ARHGEF33: variants seen among roughly 807,000 people sequenced by gnomAD.
ARHGEF33 encodes Rho guanine nucleotide exchange factor 33.
ARHGEF33 carries 72 observed loss-of-function variants against 101.9 expected under a neutral mutation model. That is an observed-to-expected ratio of 0.71 (90% confidence interval 0.58 to 0.86). The LOEUF is 0.86. ARHGEF33 is among the 40% of genes least tolerant of loss of function. The probability of loss-of-function intolerance (pLI) is 0.00; values close to 1 mark genes in which losing one functional copy is unlikely to be tolerated. For synonymous variants in ARHGEF33, 499 were observed against 442.5 expected, an observed-to-expected ratio of 1.13 and a Z score of -1.60; for missense variants, 1,169 against 1,111.3, an observed-to-expected ratio of 1.05 and a Z score of -0.74.
chr2:38,937,675 A>T (rs575979276), intron 9 of ARHGEF33, 116 bp downstream of exon 9: 2 of 662,484 alleles, frequency 3.0e-6, no homozygotes, highest in South Asian at 3.9e-5. Context: ...GAGGCCACCT[A>T]GTTCCTGGTT....
intron 2 of ARHGEF33, among the ~76,000 whole-genome samples, chr2:38,909,073 C>T (rs1022242729): frequency 4.6e-5 from 7 of 152,214 alleles, no homozygotes; most frequent in South Asian, 4.2e-4. Context: ...AATGAAACTC[C>T]GTGTATACCC....
At chr2:38,935,909 ACTTC>A in intron 8 of ARHGEF33, 75 bp downstream of exon 8, 1 of 1,222,182 alleles carries the variant, frequency 8.2e-7, no homozygotes, top group Non-Finnish European at 1.2e-6. Context: ...CCCTGCTTCC[ACTTC>A]CTTAGTTTCA....
intron 2 of ARHGEF33, among the ~76,000 whole-genome samples, chr2:38,896,373 A>G (rs956480910): frequency 2.0e-5 from 3 of 152,314 alleles, no homozygotes; most frequent in East Asian, 3.9e-4. Context: ...CCTGACTTCA[A>G]GTGATCTACC....
At chr2:38,933,532 C>G (rs945110823) in intron 7 of ARHGEF33, among the ~76,000 whole-genome samples, 1 of 152,040 alleles carries the variant, frequency 6.6e-6, no homozygotes, top group Non-Finnish European at 1.5e-5. Flanking sequence ...TACAGGCACC[C>G]GCCACCATGC....
chr2:38,895,218 C>T (rs1666094213), intron 1 of ARHGEF33, among the ~76,000 whole-genome samples: 4 of 152,136 alleles, frequency 2.6e-5, no homozygotes, highest in Admixed American at 2.6e-4. Flanking sequence ...AGTGAATTGG[C>T]CAAACTGCCC....
At chr2:38,908,146 T>C (rs1457527684) in intron 2 of ARHGEF33, among the ~76,000 whole-genome samples, 2 of 152,182 alleles carry the variant, frequency 1.3e-5, no homozygotes, top group Non-Finnish European at 2.9e-5. Context: ...AGTTATAGGC[T>C]TGAGCCACCG....
chr2:38,967,936 CTTTT>C (rs397871559), intron 17 of ARHGEF33, among the ~76,000 whole-genome samples: 4 of 96,366 alleles, frequency 4.2e-5, no homozygotes, highest in South Asian at 3.8e-4. Flanking sequence ...TTGAGCCTAT[CTTTT>C]TTTTTTTTTT....
chr2:38,922,031 A>G (rs1004590717), intron 4 of ARHGEF33, among the ~76,000 whole-genome samples: 4 of 152,176 alleles, frequency 2.6e-5, no homozygotes, highest in African/African-American at 7.2e-5. Flanking sequence ...GTTCTGCAAA[A>G]CATCTTTGCA....
intron 10 of ARHGEF33, among the ~76,000 whole-genome samples, chr2:38,944,569 C>T (rs899646330): frequency 6.6e-6 from 1 of 152,140 alleles, no homozygotes; most frequent in African/African-American, 2.4e-5. Context: ...GAACCCCTGG[C>T]AAGTCTTAAA....
rs1204737202 is a variant in ARHGEF33 at position 38,937,497 on chromosome 2, A to G, written c.728A>G (p.Lys243Arg). The G allele has an allele frequency of 1.9e-6, 3 of 1,550,990 alleles. No individual in the cohort carries two copies. Among genetic ancestry groups the G allele is most frequent in the Non-Finnish European group, 2.6e-6 (3 of 1,146,712 alleles). The change falls in exon 9 of 18, where the codon AAG becomes AGG. Residue 243 changes from lysine to arginine, a missense_variant. Lys to Arg is a conservative substitution (Grantham distance 26). Coordinates refer to ENST00000409978, the MANE Select transcript of ARHGEF33 (RefSeq NM_001145451.5). ...YVTKDHPDKL[K>R]EAGQGRHSSL... is the part of the protein sequence containing the mutation. ...ACAAAAGACCACCCAGATAAACTCA[A>G]GGAGGCTGGCCAGGGTAGACACAGC... is the stretch of plus-strand genomic sequence containing the variant.
chr2:38,937,775 A>C (rs1667186040), intron 9 of ARHGEF33, among the ~76,000 whole-genome samples: 1 of 152,182 alleles, frequency 6.6e-6, no homozygotes, highest in Non-Finnish European at 1.5e-5. Context: ...CTGCATGTTC[A>C]AGACACTTAG....
At chr2:38,899,553 G>T (rs962774488) in intron 2 of ARHGEF33, among the ~76,000 whole-genome samples, 5 of 152,082 alleles carry the variant, frequency 3.3e-5, no homozygotes, top group African/African-American at 1.2e-4. Context: ...GCTGGGGGTG[G>T]ATGGGTGAGG....
intron 4 of ARHGEF33, among the ~76,000 whole-genome samples, chr2:38,928,367 T>C (rs1014019876): frequency 2.0e-5 from 3 of 152,174 alleles, no homozygotes; most frequent in African/African-American, 7.2e-5. Context: ...TGTTACCTCC[T>C]TTCCCATGAT....
chr2:38,959,833 C>G lies in ARHGEF33; in HGVS notation c.1536-8C>G. 6.5e-7 allele frequency: 1 copy of G among 1,540,614 alleles called. No homozygotes were observed. Among genetic ancestry groups the G allele is most frequent in the South Asian group, 1.2e-5 (1 of 82,404 alleles). Reference sequence around the variant, plus strand: ...ACAGCTCTTTTGTACTCTGTTTTCCCCCTAAAGACATCTGATGCCCCCAGT... The same window carrying G: ...ACAGCTCTTTTGTACTCTGTTTTCCGCCTAAAGACATCTGATGCCCCCAGT... On this transcript the variant is annotated splice_polypyrimidine_tract_variant and splice_region_variant and intron_variant, in intron 15 of 17. Coordinates refer to ENST00000409978, the MANE Select transcript of ARHGEF33 (RefSeq NM_001145451.5).
chr2:38,906,195 A>G (rs1219937877), intron 2 of ARHGEF33, among the ~76,000 whole-genome samples: 1 of 151,658 alleles, frequency 6.6e-6, no homozygotes, highest in Non-Finnish European at 1.5e-5. Flanking sequence ...TCTCAAAAAA[A>G]AAAAAAAAAA....
At chr2:38,911,082 A>G (rs1276872844) in intron 2 of ARHGEF33, among the ~76,000 whole-genome samples, 1 of 152,210 alleles carries the variant, frequency 6.6e-6, no homozygotes, top group Admixed American at 6.5e-5. Flanking sequence ...AGTGCTTTGA[A>G]AACTACGAAG....
rs1283071139 is a variant in ARHGEF33 at position 38,960,468 on chromosome 2, G to T, written c.2163G>T (p.Val721=). Residue 721 remains valine, a synonymous_variant, in exon 16 of 18, where the codon GTG becomes GTT. Coordinates refer to ENST00000409978, the MANE Select transcript of ARHGEF33 (RefSeq NM_001145451.5). The part of the protein sequence containing the change: ...EFPRAPPADG[V]APRLYSTRSS... ...CGCGTGCGCCGCCAGCCGACGGCGT[G>T]GCCCCACGCCTCTACAGCACGCGCA... The T allele has an allele frequency of 2.7e-6, 4 of 1,493,198 alleles. No individual in the cohort carries two copies. The highest frequency in any genetic ancestry group is 3.5e-6 in the Non-Finnish European group (4 of 1,127,806). 92.5% of individuals were successfully genotyped at this position (1,493,198 alleles called of 1,614,324 possible).
At chr2:38,925,722 T>C (rs547938709) in intron 4 of ARHGEF33, among the ~76,000 whole-genome samples, 37 of 152,326 alleles carry the variant, frequency 2.4e-4, no homozygotes, top group African/African-American at 7.9e-4. Context: ...TGCCATCATG[T>C]ATGTGCCACT....
Position 38,968,587 on chromosome 2 carries a change from G to T in ARHGEF33, c.2483+2442G>T, listed in dbSNP as rs148058970. Among the ~76,000 whole-genome samples, 297 of 152,320 alleles carry T rather than the reference G, an allele frequency of 1.9e-3. 3 individuals carry two copies. Among genetic ancestry groups the T allele is most frequent in the African/African-American group, 6.6e-3 (273 of 41,574 alleles). On this transcript the variant is annotated intron_variant, in intron 17 of 17. Coordinates refer to ENST00000409978, the MANE Select transcript of ARHGEF33 (RefSeq NM_001145451.5). ...AATTGCTGTCAGTCCTCTTGTGGCTGTTCGGGATTCTCCTTAGATAAAGAG... is the reference window on the plus strand; with the variant it reads ...AATTGCTGTCAGTCCTCTTGTGGCTTTTCGGGATTCTCCTTAGATAAAGAG...
Sources: gnomAD v4.1 joint callset for allele counts (sites outside exome capture counted in the v4.1 genomes callset) on GRCh38, gnomAD v4.1.1 for gene constraint, MANE v1.5 for transcripts, NCBI Gene and HGNC (gene_info 2026-07-23, HGNC 2026-07-21) for gene names.